The following DIS3L variants were observed in gnomAD, a reference collection of about 807,000 sequenced individuals.
The protein encoded by DIS3L is DIS3-like exonuclease 1.
Under a neutral mutation model 120.3 loss-of-function variants are expected in DIS3L, and 100 were observed. The ratio of observed to expected loss-of-function variants is 0.83; its 90% CI spans 0.71 to 0.98. DIS3L has a LOEUF of 0.98. DIS3L is among the 50% of genes least tolerant of loss of function. The probability of loss-of-function intolerance (pLI) is 0.00; values close to 1 mark genes in which losing one functional copy is unlikely to be tolerated. For missense variants in DIS3L, 1,196 were observed against 1,314.2 expected (o/e 0.91, Z 1.39); for synonymous variants, 426 against 470.6 (o/e 0.91, Z 1.23).
chr15:66,293,762 G>T (rs1231923486), intron 1 of DIS3L, 27 bp downstream of exon 1: 4 of 1,169,148 alleles, frequency 3.4e-6, no homozygotes, highest in South Asian at 4.2e-5. Flanking sequence ...GGGCGGGGAC[G>T]GGGCCGGCGG....
intron 14 of DIS3L, chr15:66,330,156 G>A: frequency 2.3e-6 from 2 of 885,532 alleles, no homozygotes; most frequent in South Asian, 1.0e-4. Flanking sequence ...CAAAAAATTA[G>A]CATGGTGGCA....
At chr15:66,306,541 A>T (rs1388769530) in intron 2 of DIS3L, among the ~76,000 whole-genome samples, 2 of 152,218 alleles carry the variant, frequency 1.3e-5, no homozygotes, top group Non-Finnish European at 1.5e-5. Context: ...ACATAATAAA[A>T]TGGCTGGAAG....
rs74691217 is a variant in DIS3L at position 66,311,685 on chromosome 15, C to A, written c.559-39C>A. On this transcript the variant is annotated intron_variant, in intron 4 of 16. Coordinates refer to ENST00000319212, the MANE Select transcript of DIS3L (RefSeq NM_001143688.3). ...ATAGTACCATGGTGAAGAATCAGTA[C>A]CTTCTGACCGTGTTTCTCTGTGCCT... 20,433 of 1,609,202 alleles carry A rather than the reference C, an allele frequency of 0.013. 2,178 individuals are homozygous for A. The African/African-American group carries it at 0.24, about 19-fold the overall frequency.
At chr15:66,293,437 G>A, upstream of DIS3L, 5 of 1,188,122 alleles carry the variant, frequency 4.2e-6, no homozygotes, top group Non-Finnish European at 5.2e-6. Flanking sequence ...GGCCGGGAGG[G>A]CCGGGCCCCA....
At chr15:66,316,163 G>A (rs1038123849) in intron 7 of DIS3L, among the ~76,000 whole-genome samples, 5 of 152,034 alleles carry the variant, frequency 3.3e-5, no homozygotes, top group Non-Finnish European at 7.4e-5. Flanking sequence ...TCCCCTGGAC[G>A]TCTAATGGGC....
intron 7 of DIS3L, among the ~76,000 whole-genome samples, chr15:66,317,439 G>A (rs886637432): frequency 2.6e-5 from 4 of 151,914 alleles, no homozygotes; most frequent in Non-Finnish European, 5.9e-5. Context: ...TTGTGTATCA[G>A]TCTTATGATC....
intron 12 of DIS3L, among the ~76,000 whole-genome samples, chr15:66,328,305 C>G (rs189061180): frequency 7.9e-5 from 12 of 152,246 alleles, no homozygotes; most frequent in South Asian, 2.1e-4. Flanking sequence ...CTCCTTTCCC[C>G]CTTTTCCCTT....
intron 2 of DIS3L, among the ~76,000 whole-genome samples, chr15:66,303,113 AG>A (rs749884338): frequency 8.5e-5 from 13 of 152,184 alleles, no homozygotes; most frequent in Admixed American, 7.2e-4. Flanking sequence ...ATAATGTGTC[AG>A]GGTTCACCCA....
chr15:66,332,840 T>A lies in DIS3L; in HGVS notation c.2786T>A (p.Phe929Tyr), dbSNP rs1294622503. The A allele has an allele frequency of 6.2e-7, 1 of 1,614,006 alleles. No individual in the cohort carries two copies. Among genetic ancestry groups the A allele is most frequent in the East Asian group, 2.2e-5 (1 of 44,850 alleles). ...SEWKPGSLQRFQNKITSTTTD... is the reference protein window; with the variant it reads ...SEWKPGSLQRYQNKITSTTTD... ...TGGAAACCAGGATCCCTTCAACGAT[T>A]TCAAAACAAAATTACCTCTACTACA... Residue 929 changes from phenylalanine (F) to tyrosine (Y), a missense_variant, in exon 16 of 17, where the codon TTT becomes TAT. Physicochemically the swap from Phe to Tyr is conservative, Grantham distance 22 (BLOSUM62 3). Transcript: ENST00000319212.
rs1427424384 is a variant in DIS3L at position 66,311,908 on chromosome 15, T to G, written c.735+8T>G. The G allele has an allele frequency of 6.2e-7, 1 of 1,613,006 alleles. No individual in the cohort carries two copies. Among genetic ancestry groups the G allele is most frequent in the Non-Finnish European group, 8.5e-7 (1 of 1,179,472 alleles). On this transcript the variant is annotated splice_region_variant and intron_variant, in intron 5 of 16. Transcript: ENST00000319212. The stretch of plus-strand genomic sequence containing the variant: ...TCTGGACGCTATATCCAGGTGAGGG[T>G]GGTAATTTAGAATGTGTCAGGGCTG...
At chr15:66,312,209 TAAAA>T (rs535749569) in intron 5 of DIS3L, among the ~76,000 whole-genome samples, 2 of 121,336 alleles carry the variant, frequency 1.6e-5, no homozygotes, top group Admixed American at 1.7e-4. Flanking sequence ...CTGTCTCAAT[TAAAA>T]AAAAAAAAAA....
In DIS3L at chr15:66,331,954, A is replaced by G. The variant is rs2093002826; in HGVS notation, c.2615A>G (p.Glu872Gly). The G allele has an allele frequency of 6.2e-7, 1 of 1,613,602 alleles. No individual in the cohort carries two copies. The highest frequency in any genetic ancestry group is 1.3e-5 in the African/African-American group (1 of 75,034). Reference sequence around the variant, plus strand: ...AAAGACAAAGACCCTGCCACCGAGGAGCGTTGCATATCTGACGGAGTTATT... The same window carrying G: ...AAAGACAAAGACCCTGCCACCGAGGGGCGTTGCATATCTGACGGAGTTATT... ...YFKDKDPATE[E>G]RCISDGVIYS... Residue 872 changes from glutamate (E) to glycine (G), a missense_variant, in exon 15 of 17, where the codon GAG becomes GGG. Glu to Gly is a moderately conservative substitution (Grantham distance 98). Transcript: ENST00000319212.
chr15:66,316,328 AG>A (rs2092816919), intron 7 of DIS3L, among the ~76,000 whole-genome samples: 1 of 151,112 alleles, frequency 6.6e-6, no homozygotes, highest in South Asian at 2.1e-4. Flanking sequence ...TTTACTCATC[AG>A]TAAATGCTGG....
At chr15:66,293,530 G>A (rs2092544547), upstream of DIS3L, 2 of 1,307,502 alleles carry the variant, frequency 1.5e-6, no homozygotes, top group Non-Finnish European at 9.7e-7. Flanking sequence ...GCCGAGGGGC[G>A]GGTCCGAGGC....
chr15:66,318,045 C>T (rs377158032), intron 7 of DIS3L, among the ~76,000 whole-genome samples: 8 of 152,218 alleles, frequency 5.3e-5, no homozygotes, highest in Admixed American at 2.0e-4. Context: ...TGCATCTCGG[C>T]TCACTGCAAG....
At chr15:66,293,535 C>T, upstream of DIS3L, 1 of 1,335,326 alleles carries the variant, frequency 7.5e-7, no homozygotes, top group Non-Finnish European at 9.6e-7. Flanking sequence ...GGGGCGGGTC[C>T]GAGGCCGCGG....
In DIS3L at chr15:66,326,051, G is replaced by A. The variant is rs770404235; in HGVS notation, c.1888G>A (p.Gly630Arg). The A allele has an allele frequency of 3.1e-6, 5 of 1,613,960 alleles. No individual in the cohort carries two copies. The highest frequency in any genetic ancestry group is 8.5e-7 in the Non-Finnish European group (1 of 1,179,948). The change falls in exon 12 of 17, where the codon GGA (glycine) becomes AGA (arginine). Residue 630 changes from glycine (G) to arginine (R), a missense_variant. Transcript: ENST00000319212. ...GCTGGAGGAGTTGGTGTGGGCAATT[G>A]GAAAGCTGACCGACATAGCTCGCCA... ...AKLEELVWAI[G>R]KLTDIARHVR...
At chr15:66,299,331 G>T (rs547067109) in intron 2 of DIS3L, among the ~76,000 whole-genome samples, 2 of 152,242 alleles carry the variant, frequency 1.3e-5, no homozygotes, top group South Asian at 2.1e-4. Context: ...ATCACTTGAG[G>T]TCAGGAGTTG....
Position 66,296,512 on chromosome 15 carries a change from CTTT to C in DIS3L, c.293+1387_293+1389del, listed in dbSNP as rs3082898. Among the ~76,000 whole-genome samples, 235 of 133,858 alleles carry C rather than the reference CTTT, an allele frequency of 1.8e-3. 1 individual carries two copies. Among genetic ancestry groups the C allele is most frequent in the South Asian group, 5.1e-3 (21 of 4,086 alleles). The allele number at this position is 133,858 out of a possible 152,430, so 87.8% of individuals were successfully genotyped here. On this transcript the variant is annotated intron_variant, in intron 2 of 16. Transcript: ENST00000319212. ...AGGCCTTGGGGAATAAAAAAGAAGTCTTTTTTTTTTTTTTTTTTCCTTGAGATG... is the reference window on the plus strand; with the variant it reads ...AGGCCTTGGGGAATAAAAAAGAAGTCTTTTTTTTTTTTTTTCCTTGAGATG...
Sources: gnomAD v4.1 joint callset for allele counts (sites outside exome capture counted in the v4.1 genomes callset) on GRCh38, gnomAD v4.1.1 for gene constraint, MANE v1.5 for transcripts, NCBI Gene and HGNC (gene_info 2026-07-23, HGNC 2026-07-21) for gene names.